The following ZFYVE16 variants were observed in gnomAD, a reference collection of about 807,000 sequenced individuals.
ZFYVE16 encodes the protein zinc finger FYVE-type containing 16, also known as zinc finger FYVE domain-containing protein 16.
A neutral mutation model predicts 138.1 loss-of-function variants in ZFYVE16; 89 were observed. That is an observed-to-expected ratio of 0.64 (90% CI 0.54 to 0.77). The LOEUF (loss-of-function observed/expected upper bound fraction) is 0.77. ZFYVE16 is among the 30% of genes least tolerant of loss of function. The pLI is 0.00. For synonymous variants in ZFYVE16, 596 were observed against 618.3 expected, an observed-to-expected ratio of 0.96 and a Z score of 0.53; for missense variants, 1,793 against 1,786.7, an observed-to-expected ratio of 1.00 and a Z score of -0.06.
At chr5:80,432,459 G>T (rs1749197995) in intron 2 of ZFYVE16, among the ~76,000 whole-genome samples, 1 of 152,148 alleles carries the variant, frequency 6.6e-6, no homozygotes, top group Admixed American at 6.6e-5. Context: ...AGACTTAAAT[G>T]TTAGACCTAA....
chr5:80,431,302 G>A (rs1221019268), intron 2 of ZFYVE16, among the ~76,000 whole-genome samples: 1 of 152,050 alleles, frequency 6.6e-6, no homozygotes, highest in East Asian at 1.9e-4. Context: ...ATCAATAAAC[G>A]TAATCCAGCA....
At chr5:80,449,148 T>C (rs1751711419) in intron 8 of ZFYVE16, among the ~76,000 whole-genome samples, 1 of 152,076 alleles carries the variant, frequency 6.6e-6, no homozygotes. Flanking sequence ...TTTTGCTACC[T>C]GGTCACTGAT....
At position 80,448,160 on chromosome 5, in the gene ZFYVE16, C is replaced by T; in HGVS notation, c.2859C>T (p.Asn953=). The T allele has an allele frequency of 6.2e-7, 1 of 1,613,874 alleles. No individual in the cohort carries two copies. The highest frequency in any genetic ancestry group is 8.5e-7 in the Non-Finnish European group (1 of 1,179,932). Reference sequence around the variant, plus strand: ...CATCAGTGGAAAAATTGTCTATGAACACAGGAAATGAGGGGTTACCTACTT... The same window carrying T: ...CATCAGTGGAAAAATTGTCTATGAATACAGGAAATGAGGGGTTACCTACTT... ...QVPSVEKLSM[N]TGNEGLPTSG... is the part of the protein sequence containing the mutation. The change falls in exon 8 of 19, where the codon AAC becomes AAT. Residue 953 remains asparagine (N), a synonymous_variant. Coordinates refer to ENST00000505560, the MANE Select transcript of ZFYVE16 (RefSeq NM_001284236.3).
At chr5:80,463,524 T>C (rs1217681572) in intron 15 of ZFYVE16, among the ~76,000 whole-genome samples, 2 of 151,732 alleles carry the variant, frequency 1.3e-5, no homozygotes, top group African/African-American at 2.4e-5. Context: ...GGGACTGTTG[T>C]GAAGGTCTCT....
intron 1 of ZFYVE16, among the ~76,000 whole-genome samples, chr5:80,412,687 A>G (rs1381779986): frequency 1.3e-5 from 2 of 152,204 alleles, no homozygotes; most frequent in Non-Finnish European, 2.9e-5. Flanking sequence ...TTTATTTCTA[A>G]AAAATTCTCT....
chr5:80,421,290 C>A (rs1162641015), intron 1 of ZFYVE16, among the ~76,000 whole-genome samples: 1 of 152,174 alleles, frequency 6.6e-6, no homozygotes, highest in African/African-American at 2.4e-5. Flanking sequence ...TGCAGATGCT[C>A]TTTAGTTTAA....
intron 1 of ZFYVE16, among the ~76,000 whole-genome samples, chr5:80,418,211 TTTCTCCTCTCCTCTCTCCTTTCTC>T (rs1561229716): frequency 6.6e-6 from 1 of 151,126 alleles, no homozygotes; most frequent in Non-Finnish European, 1.5e-5. Flanking sequence ...TTCTCTCCTC[TTTCTCCTCTCCTCTCTCCTTTCTC>T]TTCTCCTCTC....
Position 80,438,987 on chromosome 5 carries a change from C to T in ZFYVE16, c.2302C>T (p.His768Tyr). Residue 768 changes from histidine (H) to tyrosine (Y), a missense_variant, in exon 4 of 19, where the codon CAT (histidine) becomes TAT (tyrosine). Physicochemically the swap from His to Tyr is moderately conservative, Grantham distance 83 (BLOSUM62 2). Coordinates refer to ENST00000505560, the MANE Select transcript of ZFYVE16 (RefSeq NM_001284236.3). ...VKFTFTKRRH[H>Y]CRACGKVFCG... is the part of the protein sequence containing the mutation. ...ATTTACTTTTACCAAACGGCGACAC[C>T]ATTGCCGAGCATGTGGGAAAGTAAG... 1.2e-6 allele frequency: 2 copies of T among 1,605,904 alleles called. No individual in the cohort carries two copies. Among genetic ancestry groups the T allele is most frequent in the Non-Finnish European group, 1.7e-6 (2 of 1,176,026 alleles).
intron 11 of ZFYVE16, among the ~76,000 whole-genome samples, chr5:80,453,344 C>T (rs1752181644): frequency 1.3e-5 from 2 of 152,166 alleles, no homozygotes; most frequent in Non-Finnish European, 2.9e-5. Flanking sequence ...CAGTATTTTG[C>T]CTCTAATTTA....
chr5:80,438,840 G>A lies in ZFYVE16; in HGVS notation c.2155G>A (p.Val719Ile), dbSNP rs150711327. Residue 719 changes from valine (V) to isoleucine (I), a missense_variant, in exon 4 of 19, where the codon GTA becomes ATA. Transcript: ENST00000505560. ...ESNSEGGSSF[V>I]TANEDSVPEN... is the part of the protein sequence containing the mutation. ...TAATTCTGAAGGTGGATCTAGTTTC[G>A]TAACTGCAAATGAAGATTCTGTACC... The A allele has an allele frequency of 4.5e-5, 73 of 1,613,890 alleles. No homozygotes were observed. The highest frequency in any genetic ancestry group is 1.0e-4 in the Admixed American group (6 of 59,970).
intron 15 of ZFYVE16, among the ~76,000 whole-genome samples, chr5:80,468,688 C>T (rs969270141): frequency 6.6e-6 from 1 of 151,884 alleles, no homozygotes; most frequent in Non-Finnish European, 1.5e-5. Context: ...ATTTTATTGC[C>T]GATGTAAATG....
rs190463850 is a variant in ZFYVE16 at position 80,468,579 on chromosome 5, A to T, written c.4025-4182A>T. On this transcript the variant is annotated intron_variant, in intron 15 of 18. Coordinates refer to ENST00000505560, the MANE Select transcript of ZFYVE16 (RefSeq NM_001284236.3). ...TTATGGGACTGCTGTTGTATATGTG[A>T]TCCCTCATTGACTGAAATGTTGTTT... Among the ~76,000 whole-genome samples the T allele has an allele frequency of 3.3e-5, 5 of 152,162 alleles. No homozygotes were observed. In the East Asian group the frequency reaches 9.6e-4, roughly 29 times the overall value.
chr5:80,461,544 A>C (rs531514035), intron 15 of ZFYVE16, among the ~76,000 whole-genome samples: 69 of 151,616 alleles, frequency 4.6e-4, no homozygotes, highest in Non-Finnish European at 8.0e-4. Context: ...GTATTTTCTC[A>C]CAATTCTAGA....
At position 80,456,556 on chromosome 5, in the gene ZFYVE16, G is replaced by A. The variant is rs142821837; in HGVS notation, c.3786G>A (p.Lys1262=). 789 of 1,606,708 alleles carry A rather than the reference G, an allele frequency of 4.9e-4. 1 individual carries two copies. The highest frequency in any genetic ancestry group is 6.4e-4 in the Non-Finnish European group (753 of 1,174,188). The part of the protein sequence containing the change: ...GKSCIKIPRK[K]YSDVMKVLNS... Reference sequence around the variant, plus strand: ...GCTGCATAAAAATACCACGGAAAAAGTACAGTGATGTAAGTATAATTGTTT... The same window carrying A: ...GCTGCATAAAAATACCACGGAAAAAATACAGTGATGTAAGTATAATTGTTT... The change falls in exon 13 of 19, where the codon AAG becomes AAA. Residue 1262 remains lysine (K), a synonymous_variant. Transcript: ENST00000505560.
Position 80,450,540 on chromosome 5 carries a change from G to A in ZFYVE16, c.3336G>A (p.Lys1112=), listed in dbSNP as rs1358230163. The A allele has an allele frequency of 1.9e-6, 3 of 1,613,436 alleles. No homozygotes were observed. The highest frequency in any genetic ancestry group is 2.5e-6 in the Non-Finnish European group (3 of 1,179,650). The change falls in exon 10 of 19, where the codon AAG becomes AAA. Residue 1112 remains lysine, a synonymous_variant. Transcript: ENST00000505560. The part of the protein sequence containing the change: ...LCLPNEDTIP[K]DIFRLFITIY... ...TGCCAAATGAAGATACTATTCCTAA[G>A]GACATCTTCAGACTATTTATCACCA...
At chr5:80,445,075 A>G (rs1751147812) in intron 6 of ZFYVE16, among the ~76,000 whole-genome samples, 188 bp from the exon 7 acceptor site, 1 of 152,146 alleles carries the variant, frequency 6.6e-6, no homozygotes, top group African/African-American at 2.4e-5. Flanking sequence ...TACGAATTAG[A>G]TAGAAACAGA....
At chr5:80,468,817 C>T (rs1753997195) in intron 15 of ZFYVE16, among the ~76,000 whole-genome samples, 1 of 151,862 alleles carries the variant, frequency 6.6e-6, no homozygotes, top group Admixed American at 6.6e-5. Context: ...ATTTATCTGT[C>T]GATTCTTTTA....
In ZFYVE16 at chr5:80,443,113, C is replaced by T. The variant is rs1446661694; in HGVS notation, c.2420-10C>T. 4.6e-6 allele frequency: 7 copies of T among 1,522,490 alleles called. No individual in the cohort carries two copies. The highest frequency in any genetic ancestry group is 6.1e-6 in the Non-Finnish European group (7 of 1,145,994). 94.3% of individuals were successfully genotyped at this position (1,522,490 alleles called of 1,614,324 possible). On this transcript the variant is annotated splice_polypyrimidine_tract_variant and intron_variant, in intron 5 of 18. Transcript: ENST00000505560. ...CTGAGATTTTAACACTATTGTTTTC[C>T]CCTTTATAGCTCAGGCATTTGAAAG...
chr5:80,462,959 G>A (rs1192737407), intron 15 of ZFYVE16, among the ~76,000 whole-genome samples: 3 of 152,208 alleles, frequency 2.0e-5, no homozygotes, highest in South Asian at 4.1e-4. Context: ...TGTAAAAGGT[G>A]GGCTTCTACA....
Sources: gnomAD v4.1 joint callset for allele counts (sites outside exome capture counted in the v4.1 genomes callset) on GRCh38, gnomAD v4.1.1 for gene constraint, MANE v1.5 for transcripts, NCBI Gene and HGNC (gene_info 2026-07-23, HGNC 2026-07-21) for gene names.